Variants in VIPR2 observed in about 807,000 individuals in gnomAD.
VIPR2 encodes vasoactive intestinal polypeptide receptor 2.
Under a neutral mutation model 58.0 loss-of-function variants are expected in VIPR2, and 48 were observed. The ratio of observed to expected loss-of-function variants is 0.83; its 90% CI spans 0.66 to 1.05. The LOEUF is 1.05. VIPR2 is among the 50% of genes least tolerant of loss of function. The pLI, the probability that VIPR2 is intolerant of heterozygous loss-of-function variation, is 0.00. For synonymous variants in VIPR2, 243 were observed against 235.2 expected (o/e 1.03, Z -0.30); for missense variants, 534 against 558.0 (o/e 0.96, Z 0.43).
Position 159,032,005 on chromosome 7 carries a change from G to A in VIPR2, c.1034C>T (p.Ala345Val). 1 of 1,614,170 alleles carries A rather than the reference G, an allele frequency of 6.2e-7. No homozygotes were observed. Among genetic ancestry groups the A allele is most frequent in the Non-Finnish European group, 8.5e-7 (1 of 1,180,048 alleles). The change falls in exon 11 of 13, where the codon GCC (alanine) becomes GTC (valine). Residue 345 changes from alanine to valine, a missense_variant. Transcript: ENST00000262178. ...PLFGVHYMVF[A>V]VFPISISSKY... ...GGAGGAGATGCTGATGGGAAACACG[G>A]CAAACACCATGTAGTGGACGCCGAA...
At chr7:159,135,247 A>T (rs1330625354) in intron 2 of VIPR2, among the ~76,000 whole-genome samples, 1 of 151,654 alleles carries the variant, frequency 6.6e-6, no homozygotes, top group African/African-American at 2.4e-5. Context: ...CCTGGCCAAC[A>T]TAGTGAAACC....
chr7:159,116,638 C>T (rs1017228261), intron 2 of VIPR2, among the ~76,000 whole-genome samples: 3 of 152,172 alleles, frequency 2.0e-5, no homozygotes, highest in Admixed American at 1.3e-4. Context: ...TGCAGCCTTC[C>T]GACATTTCTG....
chr7:159,104,260 G>C (rs1028762854), intron 3 of VIPR2, among the ~76,000 whole-genome samples: 1 of 142,626 alleles, frequency 7.0e-6, no homozygotes, highest in Non-Finnish European at 1.5e-5. Flanking sequence ...CCCTCCTCCC[G>C]GCCAGGCCCT....
chr7:159,141,805 G>A (rs893419842), intron 2 of VIPR2, among the ~76,000 whole-genome samples: 1 of 152,180 alleles, frequency 6.6e-6, no homozygotes, highest in Non-Finnish European at 1.5e-5. Flanking sequence ...TCTTGAAGAG[G>A]AGAAAATCAT....
chr7:159,055,340 T>C (rs1855250527), intron 5 of VIPR2, among the ~76,000 whole-genome samples: 2 of 152,214 alleles, frequency 1.3e-5, no homozygotes, highest in African/African-American at 4.8e-5. Context: ...GCAGGGTCCC[T>C]GGTGAGAGTT....
chr7:159,085,137 C>T (rs745856268), intron 4 of VIPR2, among the ~76,000 whole-genome samples: 1 of 152,218 alleles, frequency 6.6e-6, no homozygotes, highest in African/African-American at 2.4e-5. Flanking sequence ...TCAGATTCTA[C>T]AAGTCACTCC....
At chr7:159,069,455 C>G (rs1162002729) in intron 4 of VIPR2, among the ~76,000 whole-genome samples, 2 of 152,216 alleles carry the variant, frequency 1.3e-5, no homozygotes, top group Non-Finnish European at 2.9e-5. Flanking sequence ...GTCTCCAGAA[C>G]TTTCCAGACC....
chr7:159,068,097 G>T (rs1856188992), intron 4 of VIPR2, among the ~76,000 whole-genome samples: 1 of 152,184 alleles, frequency 6.6e-6, no homozygotes, highest in Non-Finnish European at 1.5e-5. Context: ...TGAGGCCAGT[G>T]GTGTGTTTAC....
At chr7:159,075,251 C>G (rs545007977) in intron 4 of VIPR2, among the ~76,000 whole-genome samples, 3 of 152,356 alleles carry the variant, frequency 2.0e-5, no homozygotes, top group Admixed American at 6.5e-5. Context: ...CATTTACCCA[C>G]TTAAACTGTA....
At chr7:159,135,335 G>A (rs1472975478) in intron 2 of VIPR2, among the ~76,000 whole-genome samples, 2 of 152,050 alleles carry the variant, frequency 1.3e-5, no homozygotes, top group Non-Finnish European at 2.9e-5. Flanking sequence ...GGGAGGCTGA[G>A]GCAGGAGAAT....
intron 2 of VIPR2, among the ~76,000 whole-genome samples, chr7:159,129,349 C>T (rs28489690): frequency 5.0e-5 from 7 of 141,256 alleles, no homozygotes; most frequent in Admixed American, 4.8e-4. Context: ...GGGGACAGGG[C>T]CAGGTGACCA....
Position 159,093,118 on chromosome 7 carries a change from G to T in VIPR2, c.357+10639C>A, listed in dbSNP as rs552467238. On this transcript the variant is annotated intron_variant, in intron 4 of 12. Transcript: ENST00000262178. The surrounding 1 kb of genome is among the most constrained non-coding windows in gnomAD (Gnocchi z 6.7). The stretch of plus-strand genomic sequence containing the variant: ...CGGAGATGCTGCTCCCAAGCTGAGA[G>T]ATGTGGTCCTGCGGGGGCTGGTGGG... 2.6e-5 allele frequency among the ~76,000 whole-genome samples: 4 copies of T among 152,322 alleles called. No homozygotes were observed. In the East Asian group the frequency reaches 7.7e-4, roughly 29 times the overall value.
chr7:159,106,972 G>A lies in VIPR2; in HGVS notation c.259+2840C>T, dbSNP rs374298788. 2.4e-4 allele frequency among the ~76,000 whole-genome samples: 36 copies of A among 151,812 alleles called. No individual in the cohort carries two copies. The South Asian group carries it at 4.2e-3, about 18-fold the overall frequency. ...CAGAGAGAGGCCAGGGAGGTGCAGAGAGAGGCCATCCAGGGGCAGAGAGGC... is the reference window on the plus strand; with the variant it reads ...CAGAGAGAGGCCAGGGAGGTGCAGAAAGAGGCCATCCAGGGGCAGAGAGGC... On this transcript the variant is annotated intron_variant, in intron 3 of 12. Transcript: ENST00000262178.
At chr7:159,109,964 G>A in intron 2 of VIPR2, 45 bp from the exon 3 acceptor site, 2 of 1,585,756 alleles carry the variant, frequency 1.3e-6, no homozygotes, top group Non-Finnish European at 1.7e-6. Context: ...GGTGACAGAA[G>A]TGTCACAAAT....
intron 2 of VIPR2, among the ~76,000 whole-genome samples, chr7:159,120,256 A>G (rs1214827878): frequency 6.6e-6 from 1 of 152,162 alleles, no homozygotes; most frequent in Non-Finnish European, 1.5e-5. Flanking sequence ...CCTGTCTCTT[A>G]AATAAGGAGC....
Position 159,103,746 on chromosome 7 carries a change from C to T in VIPR2, c.357+11G>A, listed in dbSNP as rs748260281. ...GGAACCTCACCACCGTAGCACCACG[C>T]AGGAGCCTACCTTGCTCTCATCCTC... On this transcript the variant is annotated intron_variant, in intron 4 of 12. Transcript: ENST00000262178. The T allele has an allele frequency of 6.2e-7, 1 of 1,612,370 alleles. No individual in the cohort carries two copies. The highest frequency in any genetic ancestry group is 8.5e-7 in the Non-Finnish European group (1 of 1,178,514).
intron 4 of VIPR2, among the ~76,000 whole-genome samples, chr7:159,078,289 T>C (rs1270099576): frequency 6.6e-6 from 1 of 152,230 alleles, no homozygotes; most frequent in East Asian, 1.9e-4. Flanking sequence ...GTAACCTTTT[T>C]TTTTGTTTCC....
intron 5 of VIPR2, among the ~76,000 whole-genome samples, chr7:159,055,698 C>T (rs1216501809): frequency 6.6e-6 from 1 of 152,084 alleles, no homozygotes; most frequent in Non-Finnish European, 1.5e-5. Flanking sequence ...TTTCTCCTTC[C>T]CTCTCTCTTC....
chr7:159,052,675 A>T (rs150379705), intron 5 of VIPR2, among the ~76,000 whole-genome samples: 4 of 152,242 alleles, frequency 2.6e-5, no homozygotes, highest in Non-Finnish European at 5.9e-5. Flanking sequence ...TCAGCTATAT[A>T]TTAAAAACAT....
Sources: allele counts gnomAD v4.1 joint callset (sites outside exome capture counted in the v4.1 genomes callset), GRCh38; gene constraint gnomAD v4.1.1; non-coding constraint Gnocchi (gnomAD v3.1); transcripts MANE v1.5; gene names NCBI Gene and HGNC (gene_info 2026-07-23, HGNC 2026-07-21).